SRBD1: variants seen among roughly 807,000 people sequenced by gnomAD.
SRBD1 encodes S1 RNA-binding domain-containing protein 1.
In SRBD1, 88 loss-of-function variants were observed where a neutral mutation model predicts 115.3. The observed-to-expected ratio is 0.76, with a 90% CI of 0.64 to 0.91. SRBD1 has a LOEUF of 0.91. Among genes scored for constraint, SRBD1 ranks in the 40% least tolerant of loss-of-function variants. SRBD1 has a pLI of 0.00. For missense variants in SRBD1, 1,385 were observed against 1,177.4 expected, an observed-to-expected ratio of 1.18 and a Z score of -2.58; for synonymous variants, 509 against 407.7, an observed-to-expected ratio of 1.25 and a Z score of -2.99.
intron 14 of SRBD1, among the ~76,000 whole-genome samples, chr2:45,540,170 G>A (rs1558464345): frequency 6.6e-6 from 1 of 151,894 alleles, no homozygotes; most frequent in Admixed American, 6.6e-5. Context: ...GTGAAACCCT[G>A]TCTCTACTAA....
At chr2:45,517,813 AGC>A (rs1233986285) in intron 14 of SRBD1, among the ~76,000 whole-genome samples, 3 of 152,078 alleles carry the variant, frequency 2.0e-5, no homozygotes, top group Admixed American at 6.5e-5. Flanking sequence ...TGGGCAACAT[AGC>A]AAGATCTTGT....
At chr2:45,535,722 C>A (rs1671744366) in intron 14 of SRBD1, among the ~76,000 whole-genome samples, 1 of 151,948 alleles carries the variant, frequency 6.6e-6, no homozygotes, top group Admixed American at 6.6e-5. Context: ...ATCTTTTCAG[C>A]CCCCCAAATC....
chr2:45,527,642 T>A (rs1390190376), intron 14 of SRBD1, among the ~76,000 whole-genome samples: 1 of 151,914 alleles, frequency 6.6e-6, no homozygotes, highest in Non-Finnish European at 1.5e-5. Flanking sequence ...TTCTAAGTAT[T>A]TTTCAATGTA....
At chr2:45,390,158 C>T (rs1258389579) in intron 20 of SRBD1, among the ~76,000 whole-genome samples, 3 of 152,162 alleles carry the variant, frequency 2.0e-5, no homozygotes, top group Non-Finnish European at 4.4e-5. Context: ...ATATATTTAT[C>T]CAATCAACAT....
chr2:45,506,542 T>C (rs943017743), intron 14 of SRBD1, among the ~76,000 whole-genome samples: 3 of 152,280 alleles, frequency 2.0e-5, no homozygotes, highest in African/African-American at 7.2e-5. Flanking sequence ...CTGACATTTA[T>C]TTGCCATACA....
chr2:45,407,283 C>A (rs1290538704), intron 19 of SRBD1, among the ~76,000 whole-genome samples: 1 of 152,152 alleles, frequency 6.6e-6, no homozygotes, highest in Non-Finnish European at 1.5e-5. Context: ...CCAAAGCTAG[C>A]CTGAGCTATA....
At chr2:45,424,553 A>G (rs1244784115) in intron 16 of SRBD1, among the ~76,000 whole-genome samples, 1 of 152,204 alleles carries the variant, frequency 6.6e-6, no homozygotes, top group South Asian at 2.1e-4. Flanking sequence ...GTATTTAGGT[A>G]TTAAAAACCT....
At chr2:45,420,308 CAT>C (rs1440157726) in intron 16 of SRBD1, among the ~76,000 whole-genome samples, 1 of 152,178 alleles carries the variant, frequency 6.6e-6, no homozygotes, top group African/African-American at 2.4e-5. Context: ...CACAATGAGA[CAT>C]AGTCTCTAAC....
intron 4 of SRBD1, among the ~76,000 whole-genome samples, chr2:45,596,718 A>C (rs1419676109): frequency 1.3e-5 from 2 of 152,200 alleles, no homozygotes; most frequent in Non-Finnish European, 2.9e-5. Context: ...GTCATCTATA[A>C]ATAAATGGTA....
chr2:45,482,434 C>T lies in SRBD1; in HGVS notation c.1967-5359G>A, dbSNP rs181200034. 4.5e-4 allele frequency among the ~76,000 whole-genome samples: 68 copies of T among 152,036 alleles called. No individual in the cohort carries two copies. In the East Asian group the frequency reaches 0.013, roughly 28 times the overall value. ...AATTGATGCTTCTACCATATGCTAT[C>T]GAACCAATAACACAGGAGTTGGGGA... On this transcript the variant is annotated intron_variant, in intron 15 of 20. Transcript: ENST00000263736.
intron 16 of SRBD1, among the ~76,000 whole-genome samples, chr2:45,452,581 T>C (rs1669028234): frequency 6.6e-6 from 1 of 152,046 alleles, no homozygotes; most frequent in South Asian, 2.1e-4. Flanking sequence ...TAAATGAATT[T>C]GGTTTTAATA....
intron 16 of SRBD1, among the ~76,000 whole-genome samples, chr2:45,474,701 T>C (rs1331040748): frequency 1.3e-5 from 2 of 152,224 alleles, no homozygotes; most frequent in Non-Finnish European, 2.9e-5. Flanking sequence ...GATCTGTATA[T>C]GTTTTGAACT....
At chr2:45,531,048 C>A (rs1223211869) in intron 14 of SRBD1, among the ~76,000 whole-genome samples, 4 of 151,852 alleles carry the variant, frequency 2.6e-5, no homozygotes, top group African/African-American at 9.7e-5. Context: ...CACACACATA[C>A]TAGGCTATCT....
Position 45,579,887 on chromosome 2 carries a change from G to T in SRBD1, c.1060C>A (p.Pro354Thr). ...ATAAAGCCAGTACCTTTAACGTCAG[G>T]CCTAATGTACGATAGCAGACTGAGC... ...GELSLLSYIR[P>T]DVKGLSTLQD... The change falls in exon 7 of 21, where the codon CCT becomes ACT. Residue 354 changes from proline (P) to threonine (T), a missense_variant. Physicochemically the swap from Pro to Thr is conservative, Grantham distance 38. Transcript: ENST00000263736. 6.3e-7 allele frequency: 1 copy of T among 1,591,126 alleles called. No individual in the cohort carries two copies. Among genetic ancestry groups the T allele is most frequent in the Non-Finnish European group, 8.5e-7 (1 of 1,172,010 alleles).
intron 14 of SRBD1, among the ~76,000 whole-genome samples, chr2:45,517,427 C>G (rs1349681975): frequency 6.6e-6 from 1 of 152,144 alleles, no homozygotes; most frequent in African/African-American, 2.4e-5. Flanking sequence ...TAGGTTACAG[C>G]AGAGCAACTA....
chr2:45,395,792 G>T (rs1304778847), intron 19 of SRBD1, among the ~76,000 whole-genome samples: 3 of 152,076 alleles, frequency 2.0e-5, no homozygotes, highest in East Asian at 3.8e-4. Context: ...TACATGATAG[G>T]AAACAATGTT....
In SRBD1 at chr2:45,546,780, G is replaced by A; in HGVS notation, c.1826C>T (p.Ala609Val). The change falls in exon 14 of 21, where the codon GCT (alanine) becomes GTT (valine). Residue 609 changes from alanine to valine, a missense_variant. Physicochemically the swap from Ala to Val is moderately conservative, Grantham distance 64. Transcript: ENST00000263736. ...TACRETEAYF[A>V]DLIMKNYFAP... is the part of the protein sequence containing the mutation. ...AAAATAATTCTTCATTATCAGGTCA[G>A]CAAAGTAAGCTTCTGTTTCCCTGCA... 1 of 1,614,118 alleles carries A rather than the reference G, an allele frequency of 6.2e-7. No individual in the cohort carries two copies. The highest frequency in any genetic ancestry group is 8.5e-7 in the Non-Finnish European group (1 of 1,179,988).
At chr2:45,576,779 G>A (rs1673191853) in intron 7 of SRBD1, among the ~76,000 whole-genome samples, 1 of 152,174 alleles carries the variant, frequency 6.6e-6, no homozygotes, top group Non-Finnish European at 1.5e-5. Context: ...CAACAACAGG[G>A]TGATAACTCA....
Position 45,581,668 on chromosome 2 carries a change from TTAAAAGATA to T in SRBD1, c.933+16_933+24del. On this transcript the variant is annotated intron_variant, in intron 6 of 20. Transcript: ENST00000263736. ...AATTGCAATATATTCAGGTATTACA[TTAAAAGATA>T]AAAAGGATTCCTTACCACGTGTTCT... The T allele has an allele frequency of 6.3e-7, 1 of 1,577,598 alleles. No homozygotes were observed. Among genetic ancestry groups the T allele is most frequent in the Non-Finnish European group, 8.7e-7 (1 of 1,153,966 alleles).
Sources: allele counts gnomAD v4.1 joint callset (sites outside exome capture counted in the v4.1 genomes callset), GRCh38; gene constraint gnomAD v4.1.1; transcripts MANE v1.5; gene names NCBI Gene and HGNC (gene_info 2026-07-23, HGNC 2026-07-21).